PPM1B: variants seen among roughly 807,000 people sequenced by gnomAD.
PPM1B encodes protein phosphatase 1B.
Under a neutral mutation model 43.0 loss-of-function variants are expected in PPM1B, and 22 were observed. The observed-to-expected ratio is 0.51, with a 90% CI of 0.37 to 0.73. The LOEUF (loss-of-function observed/expected upper bound fraction) is 0.73, where lower values mean the gene tolerates loss of function less well. PPM1B is among the 30% of genes least tolerant of loss of function. PPM1B has a pLI of 0.00. For missense variants in PPM1B, 632 were observed against 584.2 expected (o/e 1.08, Z -0.84); for synonymous variants, 217 against 197.9 (o/e 1.10, Z -0.81).
rs553141580 is a variant in PPM1B, at chr2:44,185,740, ATT to A, written c.-14-15442_-14-15441del. 1.3e-5 allele frequency among the ~76,000 whole-genome samples: 2 copies of A among 152,202 alleles called. 1 individual carries two copies. The highest frequency in any genetic ancestry group is 2.9e-5 in the Non-Finnish European group (2 of 68,026). ...GAGAATTATTGAAAGTGACTAGCCT[ATT>A]TTTATCAGTAACATCTCCTTGCCAT... On this transcript the variant is annotated intron_variant, in intron 1 of 5. Transcript: ENST00000282412.
intron 1 of PPM1B, among the ~76,000 whole-genome samples, chr2:44,183,402 C>T (rs1667974118): frequency 1.3e-5 from 2 of 152,134 alleles, no homozygotes; most frequent in African/African-American, 4.8e-5. Flanking sequence ...AATATCTGCA[C>T]AGAGTAGGAT....
chr2:44,212,334 G>A (rs554628450), intron 3 of PPM1B, among the ~76,000 whole-genome samples: 12 of 151,948 alleles, frequency 7.9e-5, no homozygotes, highest in African/African-American at 1.9e-4. Context: ...AATCTGTCAC[G>A]GCTAACTCTC....
At chr2:44,216,240 G>T (rs28447981) in intron 3 of PPM1B, among the ~76,000 whole-genome samples, 5,667 of 152,220 alleles carry the variant, frequency 0.037, 332 homozygotes, top group African/African-American at 0.13. Context: ...CTAGAGTAGA[G>T]GGGTGTAAAA....
chr2:44,173,250 G>A (rs1356931520), intron 1 of PPM1B, among the ~76,000 whole-genome samples: 2 of 152,190 alleles, frequency 1.3e-5, no homozygotes, highest in East Asian at 1.9e-4. Context: ...AATTCTTGAT[G>A]ATGTTACAAA....
intron 3 of PPM1B, among the ~76,000 whole-genome samples, chr2:44,211,300 A>G (rs1332765295): frequency 1.3e-5 from 2 of 152,142 alleles, no homozygotes; most frequent in African/African-American, 2.4e-5. Context: ...GTCTCCCTCA[A>G]TGGAAAAAGT....
intron 3 of PPM1B, among the ~76,000 whole-genome samples, chr2:44,216,126 T>C (rs1408504582): frequency 1.3e-5 from 2 of 152,222 alleles, no homozygotes; most frequent in Admixed American, 6.5e-5. Flanking sequence ...TTCCAAAGGA[T>C]CTCTCTTAGT....
At chr2:44,212,463 T>C (rs949843717) in intron 3 of PPM1B, among the ~76,000 whole-genome samples, 2 of 152,152 alleles carry the variant, frequency 1.3e-5, no homozygotes, top group African/African-American at 2.4e-5. Context: ...GTGGCCACTA[T>C]TTCCCCCTCC....
chr2:44,223,814 TAAAAAAAAAAAAAAAAA>T (rs58530902), intron 5 of PPM1B, among the ~76,000 whole-genome samples: 6 of 36,034 alleles, frequency 1.7e-4, no homozygotes, highest in African/African-American at 4.1e-4. Context: ...GGACTCTGTC[TAAAAAAAAAAAAAAAAA>T]AAAAAAAAAA....
chr2:44,201,317 C>T lies in PPM1B; in HGVS notation c.118C>T (p.His40Tyr), dbSNP rs1668922885. The change falls in exon 2 of 6, where the codon CAC (histidine) becomes TAC (tyrosine). Residue 40 changes from histidine to tyrosine, a missense_variant. Transcript: ENST00000282412. The surrounding 1 kb of genome is among the most constrained non-coding windows in gnomAD (Gnocchi z 5.4). Reference protein sequence around the residue: ...QGWRVEMEDAHTAVVGIPHGL... With the variant: ...QGWRVEMEDAYTAVVGIPHGL... ...ATGGAGAGTGGAAATGGAAGATGCACACACAGCTGTTGTAGGTATTCCTCA... is the reference window on the plus strand; with the variant it reads ...ATGGAGAGTGGAAATGGAAGATGCATACACAGCTGTTGTAGGTATTCCTCA... The T allele has an allele frequency of 6.2e-7, 1 of 1,614,166 alleles. No homozygotes were observed. The highest frequency in any genetic ancestry group is 1.3e-5 in the African/African-American group (1 of 75,040).
chr2:44,192,643 C>G (rs1668461989), intron 1 of PPM1B, among the ~76,000 whole-genome samples: 1 of 152,114 alleles, frequency 6.6e-6, no homozygotes, highest in Non-Finnish European at 1.5e-5. Flanking sequence ...ATGAACATAT[C>G]TATCACCTTA....
At chr2:44,193,462 C>G (rs1023401993) in intron 1 of PPM1B, among the ~76,000 whole-genome samples, 1 of 151,936 alleles carries the variant, frequency 6.6e-6, no homozygotes, top group Non-Finnish European at 1.5e-5. Context: ...AGTACAGTGG[C>G]CCATCACTAC....
intron 1 of PPM1B, among the ~76,000 whole-genome samples, chr2:44,182,232 C>G (rs552385128): frequency 1.3e-5 from 2 of 152,066 alleles, no homozygotes; most frequent in African/African-American, 2.4e-5. Context: ...ATGGGAAATA[C>G]TAGTAATTTC....
At chr2:44,184,145 A>G (rs1668015771) in intron 1 of PPM1B, among the ~76,000 whole-genome samples, 1 of 152,204 alleles carries the variant, frequency 6.6e-6, no homozygotes, top group Non-Finnish European at 1.5e-5. Flanking sequence ...CCTTCCTCAT[A>G]GGATTATTGT....
At chr2:44,242,797 T>C (rs1256106173) in intron 5 of PPM1B, among the ~76,000 whole-genome samples, 1 of 152,228 alleles carries the variant, frequency 6.6e-6, no homozygotes, top group African/African-American at 2.4e-5. Flanking sequence ...AAGGATATTC[T>C]GTTTACATAT....
downstream of PPM1B, among the ~76,000 whole-genome samples, chr2:44,244,820 G>GATAGATATATATATATAT (rs1553339292): frequency 3.1e-5 from 4 of 129,914 alleles, no homozygotes; most frequent in Admixed American, 7.7e-5. Context: ...AATTACTTGA[G>GATAGATATATATATATAT]ATATATATAT....
intron 5 of PPM1B, among the ~76,000 whole-genome samples, chr2:44,223,714 G>C (rs984087538): frequency 6.6e-6 from 1 of 151,156 alleles, no homozygotes; most frequent in East Asian, 2.0e-4. Context: ...TACTCGGGAG[G>C]TTGGGGCAGG....
downstream of PPM1B, among the ~76,000 whole-genome samples, chr2:44,235,635 C>G (rs1670588271): frequency 7.0e-6 from 1 of 142,594 alleles, no homozygotes. Context: ...GACTGCTTAG[C>G]TGAATGTGGT....
Position 44,201,592 on chromosome 2 carries a change from T to C in PPM1B, c.393T>C (p.Gly131=), listed in dbSNP as rs749579087. The C allele has an allele frequency of 6.2e-7, 1 of 1,614,166 alleles. No individual in the cohort carries two copies. The highest frequency in any genetic ancestry group is 8.5e-7 in the Non-Finnish European group (1 of 1,180,030). Residue 131 remains glycine, a synonymous_variant, in exon 2 of 6, where the codon GGT becomes GGC. Transcript: ENST00000282412. This position sits in a 1 kb window ranked among gnomAD's most constrained non-coding sequence, Gnocchi z 5.4. ...SDLRNGMDRS[G]STAVGVMISP... ...TCAGAAACGGGATGGACAGGAGTGG[T>C]TCAACTGCAGTGGGAGTTATGATTT...
chr2:44,199,378 A>C (rs1668825763), intron 1 of PPM1B, among the ~76,000 whole-genome samples: 1 of 151,494 alleles, frequency 6.6e-6, no homozygotes, highest in Non-Finnish European at 1.5e-5. Context: ...AGTCCCAGCT[A>C]CTTGGGTGGC....
Sources: gnomAD v4.1 joint callset for allele counts (sites outside exome capture counted in the v4.1 genomes callset) on GRCh38, gnomAD v4.1.1 for gene constraint, Gnocchi (gnomAD v3.1) non-coding constraint, MANE v1.5 for transcripts, NCBI Gene and HGNC (gene_info 2026-07-23, HGNC 2026-07-21) for gene names.